ADGRL3: variants seen among roughly 807,000 people sequenced by gnomAD.
ADGRL3 encodes the protein calcium-independent alpha-latrotoxin receptor 3.
A neutral mutation model predicts 153.5 loss-of-function variants in ADGRL3; 62 were observed. The observed-to-expected ratio is 0.40, with a 90% confidence interval of 0.33 to 0.50. The LOEUF (loss-of-function observed/expected upper bound fraction) is 0.50. Ranked by LOEUF, ADGRL3 falls within the 20% of genes least tolerant of loss-of-function variation. ADGRL3 has a pLI of 0.47. For missense variants in ADGRL3, 1,641 were observed against 1,859.4 expected (o/e 0.88, Z 2.16); for synonymous variants, 710 against 672.5 (o/e 1.06, Z -0.86).
intron 9 of ADGRL3, among the ~76,000 whole-genome samples, chr4:61,843,142 A>T (rs758481309): frequency 6.6e-6 from 1 of 152,162 alleles, no homozygotes; most frequent in Non-Finnish European, 1.5e-5. Flanking sequence ...AGACAGAGAG[A>T]CTGATTCACT....
At chr4:61,625,128 A>C (rs751386171) in intron 5 of ADGRL3, among the ~76,000 whole-genome samples, 7 of 152,122 alleles carry the variant, frequency 4.6e-5, no homozygotes, top group Non-Finnish European at 1.0e-4. Flanking sequence ...ATGTAGTTAC[A>C]TTAAGGTTAA....
chr4:61,706,059 T>C (rs934622973), intron 6 of ADGRL3, among the ~76,000 whole-genome samples: 44 of 152,176 alleles, frequency 2.9e-4, no homozygotes, highest in African/African-American at 1.0e-3. Flanking sequence ...AGCTTGTTAC[T>C]GAAGCTTTGA....
At chr4:61,600,155 G>T (rs1490588936) in intron 5 of ADGRL3, among the ~76,000 whole-genome samples, 1 of 151,436 alleles carries the variant, frequency 6.6e-6, no homozygotes, top group Non-Finnish European at 1.5e-5. Flanking sequence ...TAAAAATACA[G>T]AAATTAGCTG....
intron 6 of ADGRL3, among the ~76,000 whole-genome samples, chr4:61,714,879 T>G (rs58369539): frequency 0.23 from 34,613 of 152,116 alleles, 4,182 homozygotes; most frequent in East Asian, 0.39. Context: ...AAAGTTCTTG[T>G]CTTGGGCTCA....
intron 2 of ADGRL3, among the ~76,000 whole-genome samples, chr4:61,410,100 G>GT (rs1030463735): frequency 1.1e-4 from 16 of 151,050 alleles, no homozygotes; most frequent in Admixed American, 4.0e-4. Context: ...AATTGTGAAA[G>GT]TTTTTTTTTC....
chr4:61,776,670 A>G (rs1561231633), intron 8 of ADGRL3, among the ~76,000 whole-genome samples: 1 of 152,176 alleles, frequency 6.6e-6, no homozygotes, highest in African/African-American at 2.4e-5. Context: ...TACAAAGTAT[A>G]ATTTTATAGT....
At chr4:61,253,046 G>T (rs1156300442) in intron 1 of ADGRL3, among the ~76,000 whole-genome samples, 1 of 152,116 alleles carries the variant, frequency 6.6e-6, no homozygotes, top group Non-Finnish European at 1.5e-5. Flanking sequence ...TAGCTCTAAT[G>T]GTTAACTTTG....
chr4:62,006,003 C>CACACACACGT (rs1230956055), intron 21 of ADGRL3, among the ~76,000 whole-genome samples: 1 of 49,020 alleles, frequency 2.0e-5, no homozygotes, highest in Non-Finnish European at 3.8e-5. Context: ...CACACACACA[C>CACACACACGT]ATATATATAT....
chr4:61,804,921 CTTTATTTA>C (rs377521778), intron 8 of ADGRL3, among the ~76,000 whole-genome samples: 14 of 147,776 alleles, frequency 9.5e-5, no homozygotes, highest in African/African-American at 2.3e-4. Context: ...TTTCCTGTGC[CTTTATTTA>C]TTTATTTATT....
At chr4:61,849,103 A>G (rs1208390387) in intron 9 of ADGRL3, among the ~76,000 whole-genome samples, 1 of 152,198 alleles carries the variant, frequency 6.6e-6, no homozygotes, top group African/African-American at 2.4e-5. Context: ...GAAATGCCTC[A>G]GCCACTGTTG....
At chr4:61,387,109 C>G (rs2096746134) in intron 2 of ADGRL3, among the ~76,000 whole-genome samples, 1 of 152,068 alleles carries the variant, frequency 6.6e-6, no homozygotes, top group Non-Finnish European at 1.5e-5. Context: ...AGCTGGGCAT[C>G]TGGGGGAGAC....
intron 9 of ADGRL3, among the ~76,000 whole-genome samples, chr4:61,831,399 A>G (rs1257128225): frequency 6.7e-6 from 1 of 148,270 alleles, no homozygotes; most frequent in African/African-American, 2.5e-5. Flanking sequence ...GAAGAAAGGA[A>G]AAGATGCTAA....
chr4:62,044,111 A>G (rs1160499296), intron 24 of ADGRL3, among the ~76,000 whole-genome samples: 2 of 152,010 alleles, frequency 1.3e-5, no homozygotes, highest in African/African-American at 2.4e-5. Flanking sequence ...AATTTGTTTT[A>G]CCTTGGAAAT....
chr4:61,289,239 T>A lies in ADGRL3; in HGVS notation c.-240+87474T>A, dbSNP rs554883327. Among the ~76,000 whole-genome samples, 33 of 152,102 alleles carry A rather than the reference T, an allele frequency of 2.2e-4. No individual in the cohort carries two copies. In the East Asian group the frequency reaches 5.2e-3, roughly 24 times the overall value. ...GGTATGTATTCATGAGGGCTATATG[T>A]AAGAGATGCTAGATATATTTTCACC... On this transcript the variant is annotated intron_variant, in intron 1 of 26. Coordinates refer to ENST00000683033, the MANE Select transcript of ADGRL3 (RefSeq NM_001387552.1).
chr4:61,456,921 TC>T (rs1394705306), intron 2 of ADGRL3, among the ~76,000 whole-genome samples: 1 of 152,082 alleles, frequency 6.6e-6, no homozygotes, highest in African/African-American at 2.4e-5. Flanking sequence ...AGGCTGTTTT[TC>T]TACCAATAAA....
intron 5 of ADGRL3, among the ~76,000 whole-genome samples, chr4:61,589,118 C>T (rs1579707450): frequency 2.0e-5 from 3 of 151,988 alleles, no homozygotes; most frequent in East Asian, 1.9e-4. Context: ...ATATGGGATG[C>T]GTACACTAAG....
rs77994838 is a variant in ADGRL3 at position 61,330,277 on chromosome 4, T to G, written c.-239-52847T>G. Among the ~76,000 whole-genome samples, 36 of 152,230 alleles carry G rather than the reference T, an allele frequency of 2.4e-4. No individual in the cohort carries two copies. The East Asian group carries it at 5.4e-3, about 23-fold the overall frequency. ...TTGGGAGGATGTCTCCAGAAAAGAT[T>G]AGCATTTGAATTGGTAGACTGAGCC... On this transcript the variant is annotated intron_variant, in intron 1 of 26. Transcript: ENST00000683033.
intron 19 of ADGRL3, among the ~76,000 whole-genome samples, chr4:61,994,784 TC>T (rs2099116016): frequency 6.6e-6 from 1 of 152,022 alleles, no homozygotes; most frequent in Non-Finnish European, 1.5e-5. Context: ...TATATATCCA[TC>T]AAAAATATAT....
At position 61,936,100 on chromosome 4, in the gene ADGRL3, T is replaced by C. The variant is rs925727381; in HGVS notation, c.2419+55T>C. ...GGGAATTGAACTTGCATCAGTTCAT[T>C]TCTTTTTGGCCGGGAATATTAGGTC... On this transcript the variant is annotated intron_variant, in intron 15 of 26. Coordinates refer to ENST00000683033, the MANE Select transcript of ADGRL3 (RefSeq NM_001387552.1). 3.0e-5 allele frequency: 48 copies of C among 1,591,354 alleles called. No individual in the cohort carries two copies. The Middle Eastern group carries it at 6.6e-4, about 22-fold the overall frequency.
Sources: gnomAD v4.1 joint callset for allele counts (sites outside exome capture counted in the v4.1 genomes callset) on GRCh38, gnomAD v4.1.1 for gene constraint, MANE v1.5 for transcripts, NCBI Gene and HGNC (gene_info 2026-07-23, HGNC 2026-07-21) for gene names.